Variants in ACO2 observed in about 807,000 individuals in gnomAD.
ACO2 encodes aconitate hydratase, mitochondrial.
Under a neutral mutation model 84.5 loss-of-function variants are expected in ACO2, and 31 were observed. That is an observed-to-expected ratio of 0.37 (90% CI 0.28 to 0.50). ACO2 has a LOEUF of 0.50. Ranked by LOEUF, ACO2 falls within the 20% of genes least tolerant of loss-of-function variation. The pLI is 0.97. For missense variants in ACO2, 685 were observed against 1,029.3 expected, an observed-to-expected ratio of 0.67 and a Z score of 4.58; for synonymous variants, 414 against 412.7, an observed-to-expected ratio of 1.00 and a Z score of -0.04.
At chr22:41,521,493 T>G (rs2066526327) in intron 9 of ACO2, 1 of 152,242 alleles carries the variant, frequency 6.6e-6, no homozygotes, top group Admixed American at 6.5e-5. Flanking sequence ...ACAGGAGTCA[T>G]GATCGTACTG....
At chr22:41,470,440 G>GA (rs2037931106) in intron 1 of ACO2, among the ~76,000 whole-genome samples, 1 of 148,530 alleles carries the variant, frequency 6.7e-6, no homozygotes, top group Non-Finnish European at 1.5e-5. Flanking sequence ...ATGGTTTAAA[G>GA]TAAAATCATC....
intron 1 of ACO2, among the ~76,000 whole-genome samples, chr22:41,482,616 A>G (rs1481043606): frequency 6.6e-6 from 1 of 152,232 alleles, no homozygotes; most frequent in African/African-American, 2.4e-5. Context: ...AGAAGACATA[A>G]TTGTGGTTTT....
intron 4 of ACO2, chr22:41,512,182 C>T (rs560233768): frequency 7.6e-4 from 361 of 477,962 alleles, no homozygotes; most frequent in Non-Finnish European, 1.2e-3. Context: ...AATAATACCT[C>T]CTAACCACCC....
At chr22:41,509,146 G>A (rs1256355117) in intron 3 of ACO2, among the ~76,000 whole-genome samples, 1 of 152,138 alleles carries the variant, frequency 6.6e-6, no homozygotes, top group Non-Finnish European at 1.5e-5. Flanking sequence ...ACTGCACATG[G>A]CCGGGAACGT....
At position 41,523,103 on chromosome 22, in the gene ACO2, C is replaced by G. The variant is rs1012884919; in HGVS notation, c.1297-102C>G. 4.5e-6 allele frequency: 7 copies of G among 1,548,294 alleles called. No individual in the cohort carries two copies. The African/African-American group carries it at 9.5e-5, about 21-fold the overall frequency. On this transcript the variant is annotated intron_variant, in intron 10 of 17. Transcript: ENST00000216254. ...GCTGGGGCAGGTCCCAGTGGCTGCC[C>G]TGGGGTTCCAGTACAGCACTTCGTC...
intron 1 of ACO2, among the ~76,000 whole-genome samples, chr22:41,477,908 T>C (rs374451059): frequency 1.2e-3 from 176 of 151,756 alleles, no homozygotes; most frequent in African/African-American, 4.1e-3. Flanking sequence ...CTACTAAAAA[T>C]ACAGATATGA....
chr22:41,482,338 C>T (rs1311218869), intron 1 of ACO2, among the ~76,000 whole-genome samples: 1 of 152,232 alleles, frequency 6.6e-6, no homozygotes, highest in East Asian at 1.9e-4. Flanking sequence ...GGGAGAAAGT[C>T]TCGGCCTCTG....
intron 8 of ACO2, among the ~76,000 whole-genome samples, chr22:41,519,046 G>C (rs553389206): frequency 2.0e-5 from 3 of 152,288 alleles, no homozygotes; most frequent in East Asian, 1.9e-4. Context: ...GGGTGGGGAG[G>C]GGGGAGACAC....
chr22:41,483,435 TC>T (rs1446721941), intron 1 of ACO2, among the ~76,000 whole-genome samples: 2 of 152,132 alleles, frequency 1.3e-5, no homozygotes, highest in Admixed American at 1.3e-4. Flanking sequence ...GGCGGGCGGA[TC>T]ACTTGAGGTC....
In ACO2 at chr22:41,483,984, T is replaced by G. The variant is rs113513336; in HGVS notation, c.36+14802T>G. On this transcript the variant is annotated intron_variant, in intron 1 of 17. Coordinates refer to ENST00000216254, the MANE Select transcript of ACO2 (RefSeq NM_001098.3). Reference sequence around the variant, plus strand: ...GAGATGACGAGGCTGGTGGATCTCCTGACGCATTCATAATATCGAGTGTCG... The same window carrying G: ...GAGATGACGAGGCTGGTGGATCTCCGGACGCATTCATAATATCGAGTGTCG... Among the ~76,000 whole-genome samples the G allele has an allele frequency of 7.9e-5, 12 of 152,292 alleles. 2 individuals carry two copies. The highest frequency in any genetic ancestry group is 2.6e-4 in the African/African-American group (11 of 41,572).
At chr22:41,513,626 C>T (rs976721422) in intron 4 of ACO2, among the ~76,000 whole-genome samples, 2 of 152,244 alleles carry the variant, frequency 1.3e-5, no homozygotes, top group African/African-American at 2.4e-5. Context: ...CAGCATCTGC[C>T]AAGTGCTTTC....
At position 41,515,989 on chromosome 22, in the gene ACO2, A is replaced by G; in HGVS notation, c.835+72A>G. 6.5e-7 allele frequency: 1 copy of G among 1,547,372 alleles called. No homozygotes were observed. The highest frequency in any genetic ancestry group is 1.7e-4 in the Middle Eastern group (1 of 5,978). ...TGATGGGTCTCCAGTTGGGAGTAGA[A>G]GCGGTGAATGGCCTTCACTTGAGAA... On this transcript the variant is annotated intron_variant, in intron 6 of 17. Coordinates refer to ENST00000216254, the MANE Select transcript of ACO2 (RefSeq NM_001098.3). This position sits in a 1 kb window ranked among gnomAD's most constrained non-coding sequence, Gnocchi z 5.8.
chr22:41,525,008 C>A (rs755606926), intron 13 of ACO2, 40 bp downstream of exon 13: 1 of 1,613,938 alleles, frequency 6.2e-7, no homozygotes, highest in East Asian at 2.2e-5. Flanking sequence ...TGCTGTGTGG[C>A]CACGTCACTT....
intron 1 of ACO2, among the ~76,000 whole-genome samples, chr22:41,496,042 T>G (rs1253020295): frequency 6.6e-6 from 1 of 151,858 alleles, no homozygotes; most frequent in East Asian, 2.0e-4. Flanking sequence ...CCAGGTGTGG[T>G]GGCTCACACC....
At chr22:41,501,688 C>T (rs1445479255) in intron 2 of ACO2, among the ~76,000 whole-genome samples, 1 of 152,108 alleles carries the variant, frequency 6.6e-6, no homozygotes, top group East Asian at 1.9e-4. Flanking sequence ...GGAGAAGGAA[C>T]CTGCCCACAA....
intron 1 of ACO2, chr22:41,469,446 C>A (rs918863058): frequency 2.2e-6 from 1 of 454,630 alleles, no homozygotes; most frequent in African/African-American, 2.0e-5. Flanking sequence ...AGCGGAGGCA[C>A]CTCTTTCTTC....
chr22:41,527,752 G>GGGAGC, intron 16 of ACO2, 149 bp from the exon 17 acceptor site: 2 of 1,328,208 alleles, frequency 1.5e-6, no homozygotes, highest in Non-Finnish European at 1.0e-6. Flanking sequence ...CCTAGTGAAA[G>GGGAGC]GGAGCAGACC....
At chr22:41,486,717 G>A (rs772269012) in intron 1 of ACO2, among the ~76,000 whole-genome samples, 131 of 151,852 alleles carry the variant, frequency 8.6e-4, no homozygotes, top group Non-Finnish European at 1.3e-3. Flanking sequence ...TGATCCGCTC[G>A]CCTCGGCCTC....
At chr22:41,527,471 A>C in intron 16 of ACO2, 51 bp downstream of exon 16, 1 of 1,561,924 alleles carries the variant, frequency 6.4e-7, no homozygotes. Flanking sequence ...CTAGTGATCA[A>C]GGTCACTCTC....
Sources: allele counts gnomAD v4.1 joint callset (sites outside exome capture counted in the v4.1 genomes callset), GRCh38; gene constraint gnomAD v4.1.1; non-coding constraint Gnocchi (gnomAD v3.1); transcripts MANE v1.5; gene names NCBI Gene and HGNC (gene_info 2026-07-23, HGNC 2026-07-21).